Variants in CTNNA2 observed in about 807,000 individuals in gnomAD.
CTNNA2 encodes the protein catenin alpha-2.
CTNNA2 carries 42 observed loss-of-function variants against 101.0 expected under a neutral mutation model. That is an observed-to-expected ratio of 0.42 (90% confidence interval 0.32 to 0.54). CTNNA2 has a LOEUF of 0.54. Ranked by LOEUF, CTNNA2 falls within the 20% of genes least tolerant of loss-of-function variation. The pLI, the probability that CTNNA2 is intolerant of heterozygous loss-of-function variation, is 0.14. For synonymous variants in CTNNA2, 450 were observed against 456.4 expected, an observed-to-expected ratio of 0.99 and a Z score of 0.18; for missense variants, 871 against 1,223.1, an observed-to-expected ratio of 0.71 and a Z score of 4.29.
At chr2:80,149,031 T>TA (rs1419643759) in intron 7 of CTNNA2, among the ~76,000 whole-genome samples, 18 of 151,160 alleles carry the variant, frequency 1.2e-4, no homozygotes, top group African/African-American at 3.9e-4. Context: ...TTATTTTTTT[T>TA]TTTTTTTTTT....
At chr2:79,769,450 C>A (rs1479223962) in intron 3 of CTNNA2, among the ~76,000 whole-genome samples, 3 of 152,154 alleles carry the variant, frequency 2.0e-5, no homozygotes, top group Admixed American at 6.5e-5. Context: ...TTGATATTTT[C>A]ATCTTGTTTT....
At chr2:80,589,515 T>G (rs759200444) in intron 15 of CTNNA2, 30 bp downstream of exon 15, 14 of 1,602,792 alleles carry the variant, frequency 8.7e-6, no homozygotes, top group Middle Eastern at 1.7e-4. Context: ...AGCTGAAGAT[T>G]TTTTCATTAA....
chr2:80,268,792 T>C (rs1032219360), intron 7 of CTNNA2, among the ~76,000 whole-genome samples: 1 of 152,116 alleles, frequency 6.6e-6, no homozygotes, highest in Non-Finnish European at 1.5e-5. Context: ...AAGGAAAAAT[T>C]CATTTTTTCC....
intron 7 of CTNNA2, among the ~76,000 whole-genome samples, chr2:79,997,253 A>C (rs1171708242): frequency 6.6e-6 from 1 of 151,886 alleles, no homozygotes; most frequent in South Asian, 2.1e-4. Context: ...GGTGCCTAAT[A>C]ATCTTCCTCA....
At chr2:79,303,195 CT>C (rs2104392271) in intron 2 of CTNNA2, among the ~76,000 whole-genome samples, 1 of 152,254 alleles carries the variant, frequency 6.6e-6, no homozygotes, top group East Asian at 1.9e-4. Context: ...AGGTCTTCAA[CT>C]CACACTCTGA....
At chr2:79,312,230 A>C (rs932008397) in intron 2 of CTNNA2, among the ~76,000 whole-genome samples, 1 of 152,194 alleles carries the variant, frequency 6.6e-6, no homozygotes, top group Non-Finnish European at 1.5e-5. Flanking sequence ...ATAAGGTTTT[A>C]ACTGAAATGT....
intron 2 of CTNNA2, among the ~76,000 whole-genome samples, chr2:79,296,706 C>G (rs1276312173): frequency 6.6e-6 from 1 of 152,104 alleles, no homozygotes; most frequent in African/African-American, 2.4e-5. Context: ...CACTCTCTGC[C>G]CTCACCTCCC....
intron 18 of CTNNA2, among the ~76,000 whole-genome samples, chr2:80,644,628 C>T (rs1196083402): frequency 6.6e-6 from 1 of 152,112 alleles, no homozygotes; most frequent in Non-Finnish European, 1.5e-5. Flanking sequence ...AGTGCATCTA[C>T]AGAAAAGGGC....
At position 79,820,126 on chromosome 2, in the gene CTNNA2, CA is replaced by C. The variant is rs1239808047; in HGVS notation, c.299-37881del. Among the ~76,000 whole-genome samples the C allele has an allele frequency of 2.0e-5, 3 of 152,056 alleles. No homozygotes were observed. The East Asian group carries it at 5.8e-4, about 29-fold the overall frequency. On this transcript the variant is annotated intron_variant, in intron 3 of 18. Transcript: ENST00000402739. ...AAATAAGCCATATGATGCCACATAT[CA>C]AAAAATGTTTAAAGTGCCACACTGT...
At chr2:79,487,100 C>A (rs1671165660) in intron 4 of CTNNA2, among the ~76,000 whole-genome samples, 1 of 152,116 alleles carries the variant, frequency 6.6e-6, no homozygotes, top group Non-Finnish European at 1.5e-5. Context: ...AATTCCAAAG[C>A]AGTTTAAAAG....
At chr2:79,229,931 C>A (rs1489639983) in intron 2 of CTNNA2, among the ~76,000 whole-genome samples, 1 of 152,134 alleles carries the variant, frequency 6.6e-6, no homozygotes, top group South Asian at 2.1e-4. Context: ...GAACTTTGAA[C>A]TTGAGAGGGA....
chr2:80,578,056 C>A lies in CTNNA2; in HGVS notation c.1894-3650C>A, dbSNP rs187407623. Among the ~76,000 whole-genome samples, 487 of 152,298 alleles carry A rather than the reference C, an allele frequency of 3.2e-3. 1 individual carries two copies. The highest frequency in any genetic ancestry group is 0.011 in the African/African-American group (455 of 41,574). ...CTGTTGCAGAGGAATAGAGCACCAG[C>A]AGCAGGTGAACGGGTCCTGTTTTGC... On this transcript the variant is annotated intron_variant, in intron 13 of 18. Transcript: ENST00000402739.
chr2:80,267,652 G>C (rs1384675483), intron 7 of CTNNA2, among the ~76,000 whole-genome samples: 1 of 152,172 alleles, frequency 6.6e-6, no homozygotes, highest in East Asian at 1.9e-4. Flanking sequence ...ATAAAAAAAG[G>C]GTTCCTGGGC....
chr2:80,079,427 A>G (rs1180303426), intron 7 of CTNNA2, among the ~76,000 whole-genome samples: 2 of 152,206 alleles, frequency 1.3e-5, no homozygotes, highest in African/African-American at 4.8e-5. Context: ...GGGAGCTCCT[A>G]CTAAGCACTG....
intron 2 of CTNNA2, among the ~76,000 whole-genome samples, chr2:79,237,064 G>A (rs1674566785): frequency 6.6e-6 from 1 of 152,128 alleles, no homozygotes; most frequent in Non-Finnish European, 1.5e-5. Flanking sequence ...AGTTTGCCTA[G>A]ATCCATCAGA....
chr2:80,623,168 G>A (rs140666269), intron 18 of CTNNA2, among the ~76,000 whole-genome samples: 1 of 150,920 alleles, frequency 6.6e-6, no homozygotes, highest in Non-Finnish European at 1.5e-5. Context: ...GGTCATTTTA[G>A]AAATAAAGCA....
At position 79,994,118 on chromosome 2, in the gene CTNNA2, A is replaced by C. The variant is rs145699730; in HGVS notation, c.1056+84321A>C. Among the ~76,000 whole-genome samples, 636 of 151,640 alleles carry C rather than the reference A, an allele frequency of 4.2e-3. 5 individuals carry two copies. The highest frequency in any genetic ancestry group is 0.013 in the African/African-American group (546 of 41,434). On this transcript the variant is annotated intron_variant, in intron 7 of 18. Transcript: ENST00000402739. The stretch of plus-strand genomic sequence containing the variant: ...GTGTTTTAGAGACAGGGGTCTTACT[A>C]TGTTGCTCAGGCTGGTCTTGAACTC...
chr2:79,859,289 G>A (rs1236755557), intron 4 of CTNNA2, among the ~76,000 whole-genome samples: 1 of 152,076 alleles, frequency 6.6e-6, no homozygotes, highest in Non-Finnish European at 1.5e-5. Context: ...GGGACCAGGG[G>A]AGATAGGAAA....
chr2:80,569,214 T>C (rs1573304971), intron 12 of CTNNA2, among the ~76,000 whole-genome samples: 1 of 151,710 alleles, frequency 6.6e-6, no homozygotes, highest in Middle Eastern at 3.4e-3. Flanking sequence ...TGGTTTAGGA[T>C]CTCGATCAAC....
Sources: allele counts gnomAD v4.1 joint callset (sites outside exome capture counted in the v4.1 genomes callset), GRCh38; gene constraint gnomAD v4.1.1; transcripts MANE v1.5; gene names NCBI Gene and HGNC (gene_info 2026-07-23, HGNC 2026-07-21).